GRID2: variants seen among roughly 807,000 people sequenced by gnomAD.
GRID2 encodes the protein glutamate receptor ionotropic, delta-2.
In GRID2, 33 loss-of-function variants were observed where a neutral mutation model predicts 114.8. The ratio of observed to expected loss-of-function variants is 0.29; its 90% CI spans 0.22 to 0.38. The LOEUF (loss-of-function observed/expected upper bound fraction) is 0.38. Among genes scored for constraint, GRID2 ranks in the 10% least tolerant of loss-of-function variants. The pLI, the probability that GRID2 is intolerant of heterozygous loss-of-function variation, is 1.00. For missense variants in GRID2, 1,184 were observed against 1,257.7 expected, an observed-to-expected ratio of 0.94 and a Z score of 0.89; for synonymous variants, 505 against 449.9, an observed-to-expected ratio of 1.12 and a Z score of -1.55.
chr4:93,149,233 C>A (rs1354141705), intron 4 of GRID2, among the ~76,000 whole-genome samples: 1 of 152,090 alleles, frequency 6.6e-6, no homozygotes. Flanking sequence ...TGCTAACCAG[C>A]CACAAGGGAA....
At chr4:92,376,309 C>A (rs993323188) in intron 1 of GRID2, among the ~76,000 whole-genome samples, 8 of 151,860 alleles carry the variant, frequency 5.3e-5, no homozygotes, top group African/African-American at 1.9e-4. Flanking sequence ...GACTCCATCT[C>A]AAAAAAATAA....
intron 14 of GRID2, among the ~76,000 whole-genome samples, chr4:93,719,070 T>C (rs1192150022): frequency 6.6e-6 from 1 of 151,834 alleles, no homozygotes; most frequent in Admixed American, 6.6e-5. Flanking sequence ...ATGTTATATA[T>C]ATTAAGTATA....
intron 8 of GRID2, among the ~76,000 whole-genome samples, chr4:93,319,980 C>T (rs1452558804): frequency 2.0e-5 from 3 of 152,150 alleles, no homozygotes; most frequent in East Asian, 1.9e-4. Flanking sequence ...GATAACAAAT[C>T]GGTATTGTTA....
intron 1 of GRID2, among the ~76,000 whole-genome samples, chr4:92,584,156 C>A (rs532475301): frequency 6.6e-6 from 1 of 151,974 alleles, no homozygotes; most frequent in East Asian, 1.9e-4. Flanking sequence ...TCTCCTTGAA[C>A]TGAGGGTAAC....
chr4:93,777,760 A>G (rs912764886), downstream of GRID2, among the ~76,000 whole-genome samples: 6 of 152,220 alleles, frequency 3.9e-5, no homozygotes, highest in African/African-American at 1.2e-4. Context: ...ACAAAGAATG[A>G]TACAGTGTCA....
In GRID2 at chr4:92,426,950, G is replaced by A. The variant is rs115789014; in HGVS notation, c.88+122206G>A. Among the ~76,000 whole-genome samples the A allele has an allele frequency of 7.4e-3, 1,128 of 152,216 alleles. 14 individuals are homozygous for A. Among genetic ancestry groups the A allele is most frequent in the African/African-American group, 0.026 (1,060 of 41,544 alleles). On this transcript the variant is annotated intron_variant, in intron 1 of 15. Transcript: ENST00000282020. The stretch of plus-strand genomic sequence containing the variant: ...TGGAGGAGGGTGAGCATACCTATGT[G>A]TGTTAGTGTCAGGACACAGGTTTTT...
chr4:93,781,229 G>A (rs548276837), intron 1 of GRID2, among the ~76,000 whole-genome samples: 13 of 152,186 alleles, frequency 8.5e-5, no homozygotes, highest in Admixed American at 2.0e-4. Flanking sequence ...TTTTTAACAA[G>A]TGATGGGGAA....
At chr4:93,526,263 G>C (rs999311569) in intron 13 of GRID2, among the ~76,000 whole-genome samples, 2 of 152,092 alleles carry the variant, frequency 1.3e-5, no homozygotes, top group African/African-American at 4.8e-5. Context: ...CTGCTGCCTT[G>C]TGAAGAAGGT....
chr4:92,401,380 A>G (rs1053225517), intron 1 of GRID2, among the ~76,000 whole-genome samples: 2 of 152,196 alleles, frequency 1.3e-5, no homozygotes, highest in African/African-American at 4.8e-5. Context: ...TGAACCAAGC[A>G]TAATGTTAGG....
chr4:92,750,838 T>G (rs889187941), intron 2 of GRID2, among the ~76,000 whole-genome samples: 2 of 152,218 alleles, frequency 1.3e-5, no homozygotes, highest in Non-Finnish European at 2.9e-5. Context: ...AATATATACT[T>G]GAAAATATAT....
intron 13 of GRID2, among the ~76,000 whole-genome samples, chr4:93,558,727 T>G (rs1734584491): frequency 6.6e-6 from 1 of 152,196 alleles, no homozygotes; most frequent in Non-Finnish European, 1.5e-5. Flanking sequence ...CCTCCCTGAC[T>G]CATTTTATGA....
chr4:93,500,436 G>A (rs1727984167), intron 12 of GRID2, among the ~76,000 whole-genome samples: 1 of 151,704 alleles, frequency 6.6e-6, no homozygotes, highest in Non-Finnish European at 1.5e-5. Flanking sequence ...CATTTTGATG[G>A]TATTTTTGTC....
intron 1 of GRID2, among the ~76,000 whole-genome samples, chr4:92,575,097 C>G (rs1727819634): frequency 6.6e-6 from 1 of 152,102 alleles, no homozygotes; most frequent in South Asian, 2.1e-4. Flanking sequence ...TCCTCTTGAC[C>G]TATTCTGCTA....
chr4:92,954,175 GAAA>G (rs939401850), intron 2 of GRID2, among the ~76,000 whole-genome samples: 1 of 151,704 alleles, frequency 6.6e-6, no homozygotes, highest in African/African-American at 2.4e-5. Flanking sequence ...ATATAAATAT[GAAA>G]AAAGCATACT....
chr4:93,170,146 C>T (rs1379987914), intron 4 of GRID2, among the ~76,000 whole-genome samples: 2 of 152,086 alleles, frequency 1.3e-5, no homozygotes, highest in African/African-American at 2.4e-5. Context: ...GCAGTGGGCG[C>T]GGTCTTGGCT....
At chr4:93,703,164 G>T (rs780527569) in intron 14 of GRID2, among the ~76,000 whole-genome samples, 11 of 152,000 alleles carry the variant, frequency 7.2e-5, no homozygotes, top group Non-Finnish European at 1.0e-4. Flanking sequence ...TTTACCGTTT[G>T]TGTTGTCCCT....
intron 2 of GRID2, among the ~76,000 whole-genome samples, chr4:92,698,341 T>C (rs1453108152): frequency 2.0e-5 from 3 of 152,140 alleles, no homozygotes; most frequent in African/African-American, 7.2e-5. Flanking sequence ...GGAAAACTTA[T>C]TTGTTGTAAA....
intron 2 of GRID2, among the ~76,000 whole-genome samples, chr4:93,051,730 G>A (rs955558849): frequency 2.0e-5 from 3 of 151,936 alleles, no homozygotes; most frequent in Non-Finnish European, 4.4e-5. Flanking sequence ...ATTGAAGTTA[G>A]CATATAGAAA....
chr4:93,593,397 G>T lies in GRID2; in HGVS notation c.2194-32872G>T, dbSNP rs1241674787. 8.3e-5 allele frequency among the ~76,000 whole-genome samples: 11 copies of T among 132,734 alleles called. No individual in the cohort carries two copies. The South Asian group carries it at 1.4e-3, about 17-fold the overall frequency. The allele number at this position is 132,734 out of a possible 152,430, so 87.1% of individuals were successfully genotyped here. On this transcript the variant is annotated intron_variant, in intron 13 of 15. Coordinates refer to ENST00000282020, the MANE Select transcript of GRID2 (RefSeq NM_001510.4). ...GAATATTGGCCCCCACTCTCTTCTG[G>T]CTTGTAGGGTTTCTGCCGAGAGATC... is the stretch of plus-strand genomic sequence containing the variant.
Sources: gnomAD v4.1 joint callset for allele counts (sites outside exome capture counted in the v4.1 genomes callset) on GRCh38, gnomAD v4.1.1 for gene constraint, MANE v1.5 for transcripts, NCBI Gene and HGNC (gene_info 2026-07-23, HGNC 2026-07-21) for gene names.